Variants in CEP63 observed in about 807,000 individuals in gnomAD.
The protein encoded by CEP63 is centrosomal protein of 63 kDa.
CEP63 carries 84 observed loss-of-function variants against 89.1 expected under a neutral mutation model. That is an observed-to-expected ratio of 0.94 (90% CI 0.79 to 1.13). The LOEUF is 1.13. CEP63 is among the 50% of genes most tolerant of loss of function. The pLI, the probability that CEP63 is intolerant of heterozygous loss-of-function variation, is 0.00. For synonymous variants in CEP63, 267 were observed against 272.5 expected (o/e 0.98, Z 0.20); for missense variants, 838 against 813.3 (o/e 1.03, Z -0.37).
chr3:134,505,863 C>T (rs1482270626), intron 2 of CEP63, among the ~76,000 whole-genome samples: 1 of 152,194 alleles, frequency 6.6e-6, no homozygotes, highest in Non-Finnish European at 1.5e-5. Context: ...AAGCTTCTCA[C>T]TGCAGTTTAA....
intron 3 of CEP63, among the ~76,000 whole-genome samples, chr3:134,530,108 C>T (rs996675921): frequency 1.3e-5 from 2 of 151,348 alleles, no homozygotes; most frequent in East Asian, 2.0e-4. Context: ...CTCCTGACCT[C>T]GTGATCCGCC....
chr3:134,589,842 CAACCT>C (rs1456690959), downstream of CEP63, among the ~76,000 whole-genome samples: 1 of 152,180 alleles, frequency 6.6e-6, no homozygotes, highest in East Asian at 1.9e-4. Flanking sequence ...GGCATGGAAT[CAACCT>C]AAATACTCAT....
chr3:134,712,754 G>A, the CEP63 span, among the ~76,000 whole-genome samples: 1 of 152,276 alleles, frequency 6.6e-6, no homozygotes, highest in East Asian at 1.9e-4. Context: ...CTGCAGGGAC[G>A]TCAGGCAGGT....
At chr3:134,607,696 C>T in the CEP63 span, 10 of 985,818 alleles carry the variant, frequency 1.0e-5, no homozygotes, top group Non-Finnish European at 1.1e-5. Flanking sequence ...CCCCCGTATG[C>T]CTCAGAGTGT....
chr3:134,682,694 A>T, the CEP63 span, among the ~76,000 whole-genome samples: 1 of 152,228 alleles, frequency 6.6e-6, no homozygotes, highest in South Asian at 2.1e-4. Context: ...GATGAAGATG[A>T]GAGCTGGCAT....
At chr3:134,574,215 G>A (rs1456070026) in intron 11 of CEP63, among the ~76,000 whole-genome samples, 1 of 152,214 alleles carries the variant, frequency 6.6e-6, no homozygotes, top group African/African-American at 2.4e-5. Context: ...CTGCCGAAGT[G>A]CAGCTCCTTA....
chr3:134,669,771 T>G, the CEP63 span, among the ~76,000 whole-genome samples: 22 of 152,316 alleles, frequency 1.4e-4, no homozygotes, highest in African/African-American at 5.1e-4. Context: ...GTTAAAAAGA[T>G]GGAATCTGGG....
At chr3:134,489,280 A>G (rs1936828937) in intron 1 of CEP63, among the ~76,000 whole-genome samples, 1 of 152,146 alleles carries the variant, frequency 6.6e-6, no homozygotes, top group Admixed American at 6.5e-5. Context: ...ATATTTTCAT[A>G]ATTGCAGAAA....
intron 12 of CEP63, among the ~76,000 whole-genome samples, chr3:134,557,832 G>A (rs1435632202): frequency 6.6e-6 from 1 of 152,078 alleles, no homozygotes; most frequent in African/African-American, 2.4e-5. Context: ...AAACATGGCT[G>A]CTATTTTCCT....
At chr3:134,517,851 A>G (rs1946580715) in intron 3 of CEP63, among the ~76,000 whole-genome samples, 1 of 152,218 alleles carries the variant, frequency 6.6e-6, no homozygotes, top group Non-Finnish European at 1.5e-5. Context: ...GAAAAGAGGA[A>G]GGGCTGAAAA....
downstream of CEP63, among the ~76,000 whole-genome samples, chr3:134,591,418 A>G (rs142953316): frequency 3.2e-3 from 492 of 152,330 alleles, 4 homozygotes; most frequent in African/African-American, 0.011. Flanking sequence ...GTCTTTAATA[A>G]TTTAATCCTC....
the CEP63 span, among the ~76,000 whole-genome samples, chr3:134,741,419 A>G: frequency 9.3e-3 from 1,413 of 152,086 alleles, 17 homozygotes; most frequent in African/African-American, 0.032. Flanking sequence ...CATCTCCTTT[A>G]CTTGGTCGTG....
At chr3:134,540,727 T>G (rs1435373756) in intron 6 of CEP63, among the ~76,000 whole-genome samples, 1 of 151,634 alleles carries the variant, frequency 6.6e-6, no homozygotes, top group East Asian at 1.9e-4. Flanking sequence ...TCATTTTTCA[T>G]AAATTATTTG....
the CEP63 span, among the ~76,000 whole-genome samples, chr3:134,722,070 A>G: frequency 3.3e-5 from 5 of 152,164 alleles, no homozygotes; most frequent in South Asian, 2.1e-4. Context: ...TGGAATATTT[A>G]ATAGAATTCA....
the CEP63 span, among the ~76,000 whole-genome samples, chr3:134,720,739 T>C: frequency 2.0e-5 from 3 of 152,156 alleles, no homozygotes; most frequent in Non-Finnish European, 4.4e-5. Context: ...GAGGTTATTC[T>C]TTCCCCATTG....
At chr3:134,521,671 G>A (rs1947488350) in intron 3 of CEP63, among the ~76,000 whole-genome samples, 1 of 152,092 alleles carries the variant, frequency 6.6e-6, no homozygotes, top group African/African-American at 2.4e-5. Context: ...AGTACTAGAA[G>A]ATCTGTGAAT....
chr3:134,502,082 G>A (rs972839843), intron 2 of CEP63, among the ~76,000 whole-genome samples: 1 of 152,068 alleles, frequency 6.6e-6, no homozygotes, highest in Non-Finnish European at 1.5e-5. Flanking sequence ...GTCTATTGAG[G>A]TGATCATATG....
At chr3:134,729,852 G>A in the CEP63 span, among the ~76,000 whole-genome samples, 1 of 152,196 alleles carries the variant, frequency 6.6e-6, no homozygotes, top group Non-Finnish European at 1.5e-5. Flanking sequence ...ATGTTGGCAA[G>A]GGACCAGGTG....
the CEP63 span, among the ~76,000 whole-genome samples, chr3:134,743,107 A>G: frequency 6.6e-6 from 1 of 152,200 alleles, no homozygotes; most frequent in Non-Finnish European, 1.5e-5. Flanking sequence ...GTTGTGCCAT[A>G]TGGGGCATGC....
Sources: allele counts gnomAD v4.1 joint callset (sites outside exome capture counted in the v4.1 genomes callset), GRCh38; gene constraint gnomAD v4.1.1; transcripts MANE v1.5; gene names NCBI Gene and HGNC (gene_info 2026-07-23, HGNC 2026-07-21).